The following GADL1 variants were observed in gnomAD, a reference collection of about 807,000 sequenced individuals.
GADL1 encodes the protein GAD like acidic amino acid decarboxylase 1, also known as acidic amino acid decarboxylase GADL1.
Under a neutral mutation model 69.5 loss-of-function variants are expected in GADL1, and 71 were observed. The observed-to-expected ratio is 1.02, with a 90% CI of 0.84 to 1.25. The LOEUF is 1.25. Ranked by LOEUF, GADL1 falls within the 50% of genes most tolerant of loss-of-function variation. The pLI is 0.00. For missense variants in GADL1, 737 were observed against 631.8 expected, an observed-to-expected ratio of 1.17 and a Z score of -1.79; for synonymous variants, 254 against 214.4, an observed-to-expected ratio of 1.18 and a Z score of -1.62.
intron 11 of GADL1, among the ~76,000 whole-genome samples, chr3:30,813,609 T>C (rs1697402293): frequency 1.3e-5 from 2 of 152,240 alleles, no homozygotes; most frequent in South Asian, 4.1e-4. Flanking sequence ...CCTACATTTC[T>C]TGGAGTTTGA....
chr3:30,832,720 C>T (rs1697811856), intron 11 of GADL1, among the ~76,000 whole-genome samples: 1 of 152,006 alleles, frequency 6.6e-6, no homozygotes, highest in Non-Finnish European at 1.5e-5. Flanking sequence ...TTCTTTGGTT[C>T]ACAATCAATA....
chr3:30,855,739 G>C (rs1221692501), intron 3 of GADL1, among the ~76,000 whole-genome samples: 2 of 151,960 alleles, frequency 1.3e-5, no homozygotes, highest in African/African-American at 2.4e-5. Flanking sequence ...AGAACAAAGA[G>C]GCAGGAGGTC....
At chr3:30,748,741 T>A (rs1430433462) in intron 14 of GADL1, among the ~76,000 whole-genome samples, 1 of 152,232 alleles carries the variant, frequency 6.6e-6, no homozygotes, top group African/African-American at 2.4e-5. Context: ...TATTGTTCAA[T>A]AACTAGAGGT....
rs146617778 is a variant in GADL1 at position 30,801,421 on chromosome 3, T to C, written c.1051-333A>G. On this transcript the variant is annotated intron_variant, in intron 11 of 14. Coordinates refer to ENST00000282538, the MANE Select transcript of GADL1 (RefSeq NM_207359.3). ...GAATAAAACTGTCTATAACTCAAAG[T>C]GCTCTCCATTGGCCAGAAAAAAAAA... Among the ~76,000 whole-genome samples, 425 of 152,170 alleles carry C rather than the reference T, an allele frequency of 2.8e-3. 2 individuals carry two copies. The highest frequency in any genetic ancestry group is 9.7e-3 in the African/African-American group (402 of 41,512).
At chr3:30,796,814 T>C (rs1005532230) in intron 12 of GADL1, among the ~76,000 whole-genome samples, 1 of 152,184 alleles carries the variant, frequency 6.6e-6, no homozygotes, top group African/African-American at 2.4e-5. Flanking sequence ...AATGTTTCCA[T>C]CGCTTACTAC....
At chr3:30,817,152 T>C (rs1697491150) in intron 11 of GADL1, among the ~76,000 whole-genome samples, 1 of 152,134 alleles carries the variant, frequency 6.6e-6, no homozygotes, top group Non-Finnish European at 1.5e-5. Flanking sequence ...CTGGCATGCG[T>C]GTCTGTTTTT....
chr3:30,888,723 G>GT (rs999644058), intron 1 of GADL1, among the ~76,000 whole-genome samples: 30 of 152,046 alleles, frequency 2.0e-4, no homozygotes, highest in African/African-American at 7.0e-4. Context: ...CACTCAACAA[G>GT]TTTATCAGAG....
chr3:30,752,858 C>T (rs1017820086), intron 14 of GADL1, among the ~76,000 whole-genome samples: 7 of 148,994 alleles, frequency 4.7e-5, no homozygotes, highest in African/African-American at 1.5e-4. Flanking sequence ...ATTAAGTTCT[C>T]AAATAACTAA....
In GADL1 at chr3:30,891,032, T is replaced by TCTTCCTTCCTTC. The variant is rs59987855; in HGVS notation, c.37+3534_37+3545dup. 2.4e-3 allele frequency among the ~76,000 whole-genome samples: 361 copies of TCTTCCTTCCTTC among 150,316 alleles called. 3 individuals are homozygous for TCTTCCTTCCTTC. Among genetic ancestry groups the TCTTCCTTCCTTC allele is most frequent in the South Asian group, 7.0e-3 (33 of 4,682 alleles). ...GTCGGCTAGAGTATTTACTTTGCAT[T>TCTTCCTTCCTTC]CTTCCTTCCTTCCTTCCTTCCTTCC... is the stretch of plus-strand genomic sequence containing the variant. On this transcript the variant is annotated intron_variant, in intron 1 of 14. Coordinates refer to ENST00000282538, the MANE Select transcript of GADL1 (RefSeq NM_207359.3).
At position 30,726,262 on chromosome 3, in the gene GADL1, A is replaced by C. The variant is rs1320581007; in HGVS notation, c.*1980T>G. ...CTAAAATACAGAGAGCTTTCAACCTACTTTTTCAGTCATTAAACTAAAATG... is the reference window on the plus strand; with the variant it reads ...CTAAAATACAGAGAGCTTTCAACCTCCTTTTTCAGTCATTAAACTAAAATG... On this transcript the variant is annotated 3_prime_UTR_variant, in exon 15 of 15. Coordinates refer to ENST00000282538, the MANE Select transcript of GADL1 (RefSeq NM_207359.3). 1 of 152,134 alleles carries C rather than the reference A, an allele frequency of 6.6e-6. No homozygotes were observed. Among genetic ancestry groups the C allele is most frequent in the Non-Finnish European group, 1.5e-5 (1 of 68,032 alleles). The allele number at this position is 152,134 out of a possible 1,614,324, so 9.4% of individuals were successfully genotyped here. A position where few individuals can be genotyped will look rare whatever the true frequency, so the allele number is the denominator to read the frequency against.
chr3:30,798,488 C>T (rs539766966), intron 12 of GADL1: 2 of 152,120 alleles, frequency 1.3e-5, no homozygotes, highest in Non-Finnish European at 2.9e-5. Flanking sequence ...GGGAAACCAC[C>T]CCCATGATTC....
At chr3:30,809,091 G>A (rs924924955) in intron 11 of GADL1, among the ~76,000 whole-genome samples, 6 of 152,174 alleles carry the variant, frequency 3.9e-5, no homozygotes, top group Non-Finnish European at 7.4e-5. Flanking sequence ...TTTCCTGAGT[G>A]TCTACTCACA....
chr3:30,825,449 C>CA (rs1347952756), intron 11 of GADL1, among the ~76,000 whole-genome samples: 5 of 151,800 alleles, frequency 3.3e-5, no homozygotes, highest in African/African-American at 1.2e-4. Context: ...ACACATTCAG[C>CA]AAAAAATTGA....
intron 1 of GADL1, among the ~76,000 whole-genome samples, chr3:30,865,284 A>T (rs1320627260): frequency 3.3e-5 from 4 of 121,532 alleles, no homozygotes; most frequent in Non-Finnish European, 6.3e-5. Context: ...CACGTAAATT[A>T]ATATATATAT....
In GADL1 at chr3:30,861,755, A is replaced by G; in HGVS notation, c.48T>C (p.Asp16=). Residue 16 remains aspartate, a synonymous_variant, in exon 2 of 15, where the codon GAT becomes GAC. Coordinates refer to ENST00000282538, the MANE Select transcript of GADL1 (RefSeq NM_207359.3). ...TCTTACTTGGAATCATCTCTTGTTG[A>G]TCAATATCTCCTGGAAGCAAGCAAA... The part of the protein sequence containing the change: ...DRQCPVDGDI[D]QQEMIPSKKN... 1.3e-6 allele frequency: 2 copies of G among 1,544,950 alleles called. No homozygotes were observed. The highest frequency in any genetic ancestry group is 2.5e-5 in the East Asian group (1 of 40,812).
At chr3:30,765,952 GAAAATGTGTCATAA>G (rs1696265996) in intron 14 of GADL1, among the ~76,000 whole-genome samples, 1 of 149,244 alleles carries the variant, frequency 6.7e-6, no homozygotes, top group Non-Finnish European at 1.5e-5. Context: ...AAGACGGGAA[GAAAATGTGTCATAA>G]GAGTATATGA....
At chr3:30,802,854 C>T (rs372470969) in intron 11 of GADL1, among the ~76,000 whole-genome samples, 82 of 152,260 alleles carry the variant, frequency 5.4e-4, no homozygotes, top group African/African-American at 2.0e-3. Context: ...AATCCCAACG[C>T]TTTGGAGGGC....
intron 12 of GADL1, among the ~76,000 whole-genome samples, chr3:30,792,580 G>GAAAACTATACTTGCCTT (rs1173927663): frequency 6.6e-6 from 1 of 152,094 alleles, no homozygotes; most frequent in Non-Finnish European, 1.5e-5. Flanking sequence ...TTCTCCAACA[G>GAAAACTATACTTGCCTT]AAAACTATAC....
intron 8 of GADL1, among the ~76,000 whole-genome samples, chr3:30,843,377 TC>T (rs951478747): frequency 2.6e-5 from 4 of 151,810 alleles, no homozygotes; most frequent in Non-Finnish European, 5.9e-5. Context: ...TGCCTCAGTC[TC>T]CCGACTAGCT....
Sources: allele counts gnomAD v4.1 joint callset (sites outside exome capture counted in the v4.1 genomes callset), GRCh38; gene constraint gnomAD v4.1.1; transcripts MANE v1.5; gene names NCBI Gene and HGNC (gene_info 2026-07-23, HGNC 2026-07-21).